The following ANK3 variants were observed in gnomAD, a reference collection of about 807,000 sequenced individuals.
ANK3 encodes ankyrin 3.
ANK3 carries 57 observed loss-of-function variants against 370.9 expected under a neutral mutation model. The observed-to-expected ratio is 0.15, with a 90% CI of 0.12 to 0.19. ANK3 has a LOEUF of 0.19. Among genes scored for constraint, ANK3 ranks in the 10% least tolerant of loss-of-function variants. The pLI is 1.00. For synonymous variants in ANK3, 1,929 were observed against 1,946.3 expected, an observed-to-expected ratio of 0.99 and a Z score of 0.23; for missense variants, 4,439 against 5,302.1, an observed-to-expected ratio of 0.84 and a Z score of 5.06.
intron 2 of ANK3, among the ~76,000 whole-genome samples, chr10:60,537,647 A>G (rs1378815447): frequency 6.6e-6 from 1 of 151,984 alleles, no homozygotes; most frequent in African/African-American, 2.4e-5. Flanking sequence ...AATTTATGTC[A>G]TGGAAAAACT....
At chr10:60,166,719 G>T in intron 22 of ANK3, 66 bp from the exon 23 acceptor site, 1 of 1,586,860 alleles carries the variant, frequency 6.3e-7, no homozygotes, top group Admixed American at 1.7e-5. Flanking sequence ...ACAACAAAAC[G>T]TTTCAATATT....
intron 1 of ANK3, among the ~76,000 whole-genome samples, chr10:60,685,409 GTGGACATGGT>G (rs1183713071): frequency 1.3e-5 from 2 of 151,956 alleles, no homozygotes; most frequent in African/African-American, 4.8e-5. Flanking sequence ...AAAAAAAAAT[GTGGACATGGT>G]TCTTAATGCC....
At chr10:60,422,467 G>A (rs938773161) in intron 2 of ANK3, among the ~76,000 whole-genome samples, 15 of 151,976 alleles carry the variant, frequency 9.9e-5, no homozygotes, top group Admixed American at 8.5e-4. Flanking sequence ...ATAAAGATCT[G>A]CCTAAAATAT....
intron 2 of ANK3, among the ~76,000 whole-genome samples, chr10:60,462,050 G>T (rs2064898260): frequency 1.3e-5 from 2 of 152,146 alleles, no homozygotes; most frequent in South Asian, 4.1e-4. Context: ...CTAGAACAAA[G>T]AAGAGATTTA....
At chr10:60,269,307 G>T (rs755917114) in intron 5 of ANK3, among the ~76,000 whole-genome samples, 83 of 152,086 alleles carry the variant, frequency 5.5e-4, no homozygotes, top group Non-Finnish European at 1.1e-3. Context: ...AGACAGCAAA[G>T]ATTTTTTTTC....
At chr10:60,314,423 G>A (rs944344246) in intron 1 of ANK3, among the ~76,000 whole-genome samples, 1 of 152,156 alleles carries the variant, frequency 6.6e-6, no homozygotes, top group Non-Finnish European at 1.5e-5. Flanking sequence ...CTCAACAGGA[G>A]TTAACCAAAT....
chr10:60,079,361 T>G (rs1564853442), intron 36 of ANK3, among the ~76,000 whole-genome samples: 2 of 152,214 alleles, frequency 1.3e-5, no homozygotes, highest in Non-Finnish European at 2.9e-5. Flanking sequence ...TTCATTTCTC[T>G]TATATTCTCC....
At chr10:60,683,077 G>A (rs2079218117) in intron 1 of ANK3, among the ~76,000 whole-genome samples, 3 of 152,088 alleles carry the variant, frequency 2.0e-5, no homozygotes, top group African/African-American at 7.2e-5. Flanking sequence ...AAGGACACCA[G>A]CTGGTGTCCA....
chr10:60,426,258 T>C (rs1291947212), intron 2 of ANK3, among the ~76,000 whole-genome samples: 2 of 152,044 alleles, frequency 1.3e-5, no homozygotes, highest in East Asian at 3.9e-4. Context: ...CATAAGCTGA[T>C]TGCTCCTCTC....
At chr10:60,693,416 C>T (rs2079388985) in intron 1 of ANK3, among the ~76,000 whole-genome samples, 1 of 152,232 alleles carries the variant, frequency 6.6e-6, no homozygotes, top group South Asian at 2.1e-4. Context: ...AGGAGGCCTG[C>T]CTGCCTCTGT....
chr10:60,060,057 A>C (rs1255587463), intron 40 of ANK3: 1 of 1,391,614 alleles, frequency 7.2e-7, no homozygotes, highest in Non-Finnish European at 9.7e-7. Context: ...GAATACATCA[A>C]ACAAAAACAC....
intron 2 of ANK3, among the ~76,000 whole-genome samples, chr10:60,578,065 G>A (rs1198739605): frequency 6.6e-6 from 1 of 152,134 alleles, no homozygotes; most frequent in Non-Finnish European, 1.5e-5. Context: ...GTGACAGTAT[G>A]GTTTTGATAC....
At chr10:60,242,968 C>T (rs960634279) in intron 7 of ANK3, among the ~76,000 whole-genome samples, 1 of 152,076 alleles carries the variant, frequency 6.6e-6, no homozygotes, top group African/African-American at 2.4e-5. Context: ...TTTCGCTAGA[C>T]CAGGTCATGC....
chr10:60,636,321 G>A (rs1257002921), intron 1 of ANK3, among the ~76,000 whole-genome samples: 1 of 152,026 alleles, frequency 6.6e-6, no homozygotes, highest in Non-Finnish European at 1.5e-5. Context: ...AGAAGCAGTG[G>A]TTCAAAGGGG....
chr10:60,454,191 T>C (rs2064685262), intron 2 of ANK3, among the ~76,000 whole-genome samples: 1 of 152,198 alleles, frequency 6.6e-6, no homozygotes, highest in African/African-American at 2.4e-5. Flanking sequence ...AACTGTTATG[T>C]TGACTTGGAG....
intron 8 of ANK3, among the ~76,000 whole-genome samples, chr10:60,226,547 ATACTATAGTATATATACATAGTATAT>A (rs2097159561): frequency 8.5e-5 from 2 of 23,540 alleles, no homozygotes; most frequent in Admixed American, 5.8e-4. Context: ...CATAGTATAT[ATACTATAGTATATATACATAGTATAT>A]GTATATATAC....
chr10:60,286,783 T>C (rs1282756805), intron 1 of ANK3, among the ~76,000 whole-genome samples: 1 of 152,240 alleles, frequency 6.6e-6, no homozygotes, highest in Non-Finnish European at 1.5e-5. Context: ...AATGTTGTCA[T>C]ATTCCAAAGA....
chr10:60,110,885 T>A (rs1372670966), intron 26 of ANK3, among the ~76,000 whole-genome samples: 1 of 152,124 alleles, frequency 6.6e-6, no homozygotes, highest in East Asian at 1.9e-4. Context: ...ACACACACAC[T>A]GGAATGTTTC....
intron 1 of ANK3, among the ~76,000 whole-genome samples, chr10:60,707,287 C>T (rs751805059): frequency 2.6e-5 from 4 of 152,060 alleles, no homozygotes; most frequent in African/African-American, 9.7e-5. Flanking sequence ...CAATATGAAA[C>T]CTTACATCAA....
Sources: allele counts gnomAD v4.1 joint callset (sites outside exome capture counted in the v4.1 genomes callset), GRCh38; gene constraint gnomAD v4.1.1; transcripts MANE v1.5; gene names NCBI Gene and HGNC (gene_info 2026-07-23, HGNC 2026-07-21).